SERPINB7: variants seen among roughly 807,000 people sequenced by gnomAD.
SERPINB7 encodes the protein serpin family B member 7, also known as serpin B7.
SERPINB7 carries 31 observed loss-of-function variants against 37.4 expected under a neutral mutation model. That is an observed-to-expected ratio of 0.83 (90% CI 0.62 to 1.12). The LOEUF is 1.12. SERPINB7 is among the 50% of genes most tolerant of loss of function. The probability of loss-of-function intolerance (pLI) is 0.00; values close to 1 mark genes in which losing one functional copy is unlikely to be tolerated. For missense variants in SERPINB7, 521 were observed against 455.3 expected, an observed-to-expected ratio of 1.14 and a Z score of -1.31; for synonymous variants, 163 against 166.1, an observed-to-expected ratio of 0.98 and a Z score of 0.14.
intron 1 of SERPINB7, among the ~76,000 whole-genome samples, chr18:63,763,464 T>C (rs989559373): frequency 6.6e-6 from 1 of 152,240 alleles, no homozygotes; most frequent in African/African-American, 2.4e-5. Context: ...TGGTAAGTAA[T>C]CCACCTTTCA....
chr18:63,776,507 T>G (rs576225260), intron 1 of SERPINB7, among the ~76,000 whole-genome samples: 1 of 151,930 alleles, frequency 6.6e-6, no homozygotes, highest in East Asian at 1.9e-4. Flanking sequence ...TGATGGCTAC[T>G]GCTGTGGTGA....
intron 1 of SERPINB7, among the ~76,000 whole-genome samples, chr18:63,764,660 T>C (rs569961475): frequency 6.7e-6 from 1 of 150,284 alleles, no homozygotes; most frequent in African/African-American, 2.4e-5. Context: ...GCAAAAAAAA[T>C]GGACATATGA....
rs759327058 is a variant in SERPINB7, at chr18:63,793,126, C to T, written c.220-35C>T. On this transcript the variant is annotated intron_variant, in intron 3 of 7. Coordinates refer to ENST00000398019, the MANE Select transcript of SERPINB7 (RefSeq NM_003784.4). ...TGAGATTATGCATATCTTTGCAGTC[C>T]AAAAATAAATTTTTATACATCTTTT... 1.3e-5 allele frequency: 16 copies of T among 1,218,764 alleles called. No homozygotes were observed. In the South Asian group the frequency reaches 2.0e-4, roughly 15 times the overall value. 75.5% of individuals were successfully genotyped at this position (1,218,764 alleles called of 1,614,324 possible).
At chr18:63,769,746 A>C (rs2049199831) in intron 1 of SERPINB7, among the ~76,000 whole-genome samples, 1 of 152,094 alleles carries the variant, frequency 6.6e-6, no homozygotes, top group Admixed American at 6.6e-5. Context: ...TAGTCAACAA[A>C]GCTTTTGCTC....
intron 2 of SERPINB7, among the ~76,000 whole-genome samples, chr18:63,791,697 A>G (rs1044532627): frequency 4.6e-5 from 7 of 151,460 alleles, no homozygotes; most frequent in Non-Finnish European, 7.4e-5. Context: ...TGCAAGCTCT[A>G]CCTCCTGGGT....
intron 1 of SERPINB7, among the ~76,000 whole-genome samples, chr18:63,762,619 C>G (rs556476968): frequency 7.2e-5 from 11 of 152,278 alleles, no homozygotes; most frequent in Middle Eastern, 3.4e-3. Flanking sequence ...TATTTCCCCC[C>G]CATGATAGCT....
In SERPINB7 at chr18:63,753,066, G is replaced by A. The variant is rs143761079; in HGVS notation, c.-73G>A. On this transcript the variant is annotated 5_prime_UTR_variant, in exon 1 of 8. Transcript: ENST00000336429. ...AGGAGTGAGAAGTCTTAGGAGGTAG[G>A]AGGCAGGAGGAACTGAAGCCCAGCT... is the stretch of plus-strand genomic sequence containing the variant. 1,437 of 152,810 alleles carry A rather than the reference G, an allele frequency of 9.4e-3. 18 individuals carry two copies. The highest frequency in any genetic ancestry group is 0.015 in the Non-Finnish European group (1,056 of 68,420). The allele number at this position is 152,810 out of a possible 1,614,324, so 9.5% of individuals were successfully genotyped here. A position where few individuals can be genotyped will look rare whatever the true frequency, so the allele number is the denominator to read the frequency against.
At chr18:63,784,456 C>T (rs565656104) in intron 2 of SERPINB7, among the ~76,000 whole-genome samples, 3 of 152,296 alleles carry the variant, frequency 2.0e-5, no homozygotes, top group African/African-American at 7.2e-5. Flanking sequence ...AGCCACCAAA[C>T]TGAAATATAG....
chr18:63,764,846 A>G (rs968386244), intron 1 of SERPINB7, among the ~76,000 whole-genome samples: 1 of 152,180 alleles, frequency 6.6e-6, no homozygotes, highest in African/African-American at 2.4e-5. Context: ...TAAAGACTAC[A>G]GAAGGCAAGA....
chr18:63,778,371 T>G (rs1356098988), intron 1 of SERPINB7, among the ~76,000 whole-genome samples: 1 of 152,172 alleles, frequency 6.6e-6, no homozygotes, highest in African/African-American at 2.4e-5. Context: ...TTGATAAGAA[T>G]AAAAATTAAT....
At chr18:63,798,787 A>C (rs1388174654) in intron 6 of SERPINB7, 41 bp downstream of exon 6, 2 of 1,594,044 alleles carry the variant, frequency 1.3e-6, no homozygotes, top group African/African-American at 1.3e-5. Flanking sequence ...ACTTTTCCAC[A>C]ATCGTATTCC....
At chr18:63,790,931 C>T (rs1226686263) in intron 2 of SERPINB7, among the ~76,000 whole-genome samples, 1 of 152,172 alleles carries the variant, frequency 6.6e-6, no homozygotes, top group Non-Finnish European at 1.5e-5. Context: ...AAATGTGGCA[C>T]ATATGCACTA....
At chr18:63,783,178 AAGAAAGAAAGAGAGAGAGAGAG>A (rs1568207472) in intron 2 of SERPINB7, among the ~76,000 whole-genome samples, 1 of 100,952 alleles carries the variant, frequency 9.9e-6, no homozygotes, top group African/African-American at 4.9e-5. Context: ...AAAATAAAGA[AAGAAAGAAAGAGAGAGAGAGAG>A]AGAGAGAGAG....
chr18:63,756,506 C>T (rs912977265), intron 1 of SERPINB7, among the ~76,000 whole-genome samples: 1 of 152,092 alleles, frequency 6.6e-6, no homozygotes, highest in Admixed American at 6.5e-5. Flanking sequence ...ATCAATAAGC[C>T]CAAACCAGTC....
At chr18:63,763,091 A>G (rs17781080) in intron 1 of SERPINB7, among the ~76,000 whole-genome samples, 4,980 of 152,256 alleles carry the variant, frequency 0.033, 128 homozygotes, top group African/African-American at 0.066. Flanking sequence ...TTGGGGTTAG[A>G]CTACAAGGTA....
intron 1 of SERPINB7, among the ~76,000 whole-genome samples, chr18:63,760,602 G>A (rs936548234): frequency 1.3e-5 from 2 of 152,132 alleles, no homozygotes; most frequent in Non-Finnish European, 2.9e-5. Context: ...CAGGCCTGGA[G>A]ACCCAGGAGG....
chr18:63,755,893 C>T (rs1450552874), intron 1 of SERPINB7, among the ~76,000 whole-genome samples: 1 of 151,980 alleles, frequency 6.6e-6, no homozygotes. Flanking sequence ...GACCCTGTCT[C>T]TAAAACAAAA....
chr18:63,800,665 C>A (rs2049537604), intron 6 of SERPINB7, among the ~76,000 whole-genome samples: 1 of 152,136 alleles, frequency 6.6e-6, no homozygotes, highest in African/African-American at 2.4e-5. Context: ...AAATTTTAAA[C>A]TCAAGGAATC....
At chr18:63,802,007 C>T (rs1264200917) in intron 7 of SERPINB7, among the ~76,000 whole-genome samples, 1 of 152,178 alleles carries the variant, frequency 6.6e-6, no homozygotes, top group African/African-American at 2.4e-5. Context: ...TACTATGATC[C>T]TTGCTTTACA....
Sources: gnomAD v4.1 joint callset for allele counts (sites outside exome capture counted in the v4.1 genomes callset) on GRCh38, gnomAD v4.1.1 for gene constraint, MANE v1.5 for transcripts, NCBI Gene and HGNC (gene_info 2026-07-23, HGNC 2026-07-21) for gene names.